Variants in DIO2 observed in about 807,000 individuals in gnomAD.
The protein encoded by DIO2 is type II iodothyronine deiodinase.
Under a neutral mutation model 21.4 loss-of-function variants are expected in DIO2, and 19 were observed. The ratio of observed to expected loss-of-function variants is 0.89; its 90% CI spans 0.62 to 1.30. The LOEUF (loss-of-function observed/expected upper bound fraction) is 1.30, where lower values mean the gene tolerates loss of function less well. Among genes scored for constraint, DIO2 ranks in the 50% most tolerant of loss-of-function variants. DIO2 has a pLI of 0.00. For synonymous variants in DIO2, 122 were observed against 132.9 expected (o/e 0.92, Z 0.57); for missense variants, 302 against 338.1 (o/e 0.89, Z 0.84).
chr14:80,214,483 T>C (rs1353856908), upstream of DIO2, among the ~76,000 whole-genome samples: 2 of 152,196 alleles, frequency 1.3e-5, no homozygotes, highest in Non-Finnish European at 2.9e-5. Flanking sequence ...TATTTATTTA[T>C]TTATTGAGGT....
chr14:80,209,233 G>A (rs1888068233), intron 1 of DIO2, among the ~76,000 whole-genome samples: 1 of 151,964 alleles, frequency 6.6e-6, no homozygotes, highest in Non-Finnish European at 1.5e-5. Flanking sequence ...TAATATTTGT[G>A]GGTAACATTA....
rs923847366 is a variant in DIO2, at chr14:80,200,022, C to T, written c.*2667G>A. 1.3e-5 allele frequency: 2 copies of T among 152,554 alleles called. No homozygotes were observed. The highest frequency in any genetic ancestry group is 4.8e-5 in the African/African-American group (2 of 41,422). The allele number at this position is 152,554 out of a possible 1,614,324, so 9.5% of individuals were successfully genotyped here. On this transcript the variant is annotated 3_prime_UTR_variant, in exon 2 of 2. Coordinates refer to ENST00000438257, the MANE Select transcript of DIO2 (RefSeq NM_013989.5). ...ATAAAGCATTGATTTTCCTCTACCT[C>T]AAAATAATGAGTTCTTGTTAATTTC...
In DIO2 at chr14:80,198,009, C is replaced by T. The variant is rs188047180; in HGVS notation, c.*4680G>A. On this transcript the variant is annotated 3_prime_UTR_variant, in exon 2 of 2. Coordinates refer to ENST00000438257, the MANE Select transcript of DIO2 (RefSeq NM_013989.5). ...GTACTGGATACTTATTTCTTCACAT[C>T]CCCCAATCCTAATACACATAAAAAC... 568 of 152,732 alleles carry T rather than the reference C, an allele frequency of 3.7e-3. 1 individual carries two copies. The highest frequency in any genetic ancestry group is 6.4e-3 in the Non-Finnish European group (436 of 68,018). 9.5% of individuals were successfully genotyped at this position (152,732 alleles called of 1,614,324 possible). A position where few individuals can be genotyped will look rare whatever the true frequency, so the allele number is the denominator to read the frequency against.
chr14:80,203,079 G>A lies in DIO2; in HGVS notation c.432C>T (p.Arg144=). The A allele has an allele frequency of 6.2e-7, 1 of 1,613,924 alleles. No individual in the cohort carries two copies. The highest frequency in any genetic ancestry group is 8.5e-7 in the Non-Finnish European group (1 of 1,179,886). ...PPFTSQLPAF[R]KLVEEFSSVA... Reference sequence around the variant, plus strand: ...CTGAGGAGAACTCTTCCACCAGTTTGCGGAAGGCTGGCAGCTGGCTCGTGA... The same window carrying A: ...CTGAGGAGAACTCTTCCACCAGTTTACGGAAGGCTGGCAGCTGGCTCGTGA... Residue 144 remains arginine, a synonymous_variant, in exon 2 of 2, where the codon CGC becomes CGT. Coordinates refer to ENST00000438257, the MANE Select transcript of DIO2 (RefSeq NM_013989.5).
rs773948064 is a variant in DIO2, at chr14:80,202,871, G to C, written c.640C>G (p.Arg214Gly). Residue 214 changes from arginine to glycine, a missense_variant, in exon 2 of 2, where the codon CGC becomes GGC. Arg to Gly is a moderately radical substitution (Grantham distance 125). Transcript: ENST00000438257. Reference protein sequence around the residue: ...LPPQCRVVADRMDNNANIAYG... With the variant: ...LPPQCRVVADGMDNNANIAYG... Reference sequence around the variant, plus strand: ...GCTATGTTGGCGTTATTGTCCATGCGGTCAGCCACAACTCGGCACTGGGGC... The same window carrying C: ...GCTATGTTGGCGTTATTGTCCATGCCGTCAGCCACAACTCGGCACTGGGGC... 9 of 1,613,788 alleles carry C rather than the reference G, an allele frequency of 5.6e-6. No homozygotes were observed. The East Asian group carries it at 1.8e-4, about 32-fold the overall frequency.
chr14:80,230,859 A>G (rs1888672551), intron 2 of DIO2: 1 of 152,206 alleles, frequency 6.6e-6, no homozygotes, highest in Non-Finnish European at 1.5e-5. Context: ...CTAGAGGGAC[A>G]GAACTAATAG....
upstream of DIO2, among the ~76,000 whole-genome samples, chr14:80,215,041 G>A (rs17110449): frequency 0.15 from 22,354 of 152,106 alleles, 2,159 homozygotes; most frequent in East Asian, 0.31. Context: ...AGACTGTCCC[G>A]ACTCAGGCTC....
rs1359514767 is a variant in DIO2 at position 80,211,403 on chromosome 14, A to T, written c.70T>A (p.Phe24Ile). The T allele has an allele frequency of 2.5e-6, 4 of 1,613,632 alleles. No homozygotes were observed. Among genetic ancestry groups the T allele is most frequent in the Non-Finnish European group, 3.4e-6 (4 of 1,179,780 alleles). Residue 24 changes from phenylalanine (F) to isoleucine (I), a missense_variant, in exon 1 of 2, where the codon TTC becomes ATC. Transcript: ENST00000438257. ...ATGACCGAGTCATAGAGAGCCAGGAAGAGGCAGTTGGAGAAAAAAACTGGC... is the reference window on the plus strand; with the variant it reads ...ATGACCGAGTCATAGAGAGCCAGGATGAGGCAGTTGGAGAAAAAAACTGGC... ...ILPVFFSNCLFLALYDSVILL... is the reference protein window; with the variant it reads ...ILPVFFSNCLILALYDSVILL...
intron 2 of DIO2, among the ~76,000 whole-genome samples, chr14:80,224,980 G>A (rs746807971): frequency 3.9e-5 from 6 of 152,122 alleles, no homozygotes; most frequent in Non-Finnish European, 8.8e-5. Context: ...CTTGGAGTCC[G>A]ATGTTTGAGG....
chr14:80,218,620 C>T (rs1373960316), intron 2 of DIO2, among the ~76,000 whole-genome samples: 1 of 152,066 alleles, frequency 6.6e-6, no homozygotes, highest in Non-Finnish European at 1.5e-5. Context: ...CTTTTAAAAA[C>T]ATAGGAGAAA....
chr14:80,220,800 A>C (rs1220116064), intron 2 of DIO2, among the ~76,000 whole-genome samples: 1 of 152,210 alleles, frequency 6.6e-6, no homozygotes, highest in Non-Finnish European at 1.5e-5. Flanking sequence ...TCACCTGAAC[A>C]GTGCATAGGA....
At chr14:80,206,324 T>C (rs1204761427) in intron 1 of DIO2, 13 of 1,548,868 alleles carry the variant, frequency 8.4e-6, no homozygotes, top group South Asian at 1.3e-5. Flanking sequence ...TAAAACCTGA[T>C]GGAGGACAAT....
In DIO2 at chr14:80,203,239, C is replaced by G; in HGVS notation, c.272G>C (p.Ser91Thr). Residue 91 changes from serine (S) to threonine (T), a missense_variant, in exon 2 of 2, where the codon AGT becomes ACT. Ser to Thr is a moderately conservative substitution (Grantham distance 58). Coordinates refer to ENST00000438257, the MANE Select transcript of DIO2 (RefSeq NM_013989.5). The part of the protein sequence containing the change: ...APNSSVVHVS[S>T]TEGGDNSGNG... ...GCCACTGTTGTCACCTCCTTCTGTACTGGAGACATGCACCACACTGGAATT... is the reference window on the plus strand; with the variant it reads ...GCCACTGTTGTCACCTCCTTCTGTAGTGGAGACATGCACCACACTGGAATT... 6.2e-7 allele frequency: 1 copy of G among 1,606,186 alleles called. No individual in the cohort carries two copies. Among genetic ancestry groups the G allele is most frequent in the Non-Finnish European group, 8.5e-7 (1 of 1,176,924 alleles).
rs1887792095 is a variant in DIO2 at position 80,202,896 on chromosome 14, C to T, written c.615G>A (p.Pro205=). The T allele has an allele frequency of 5.0e-6, 8 of 1,613,916 alleles. No individual in the cohort carries two copies. Among genetic ancestry groups the T allele is most frequent in the African/African-American group, 1.3e-5 (1 of 75,012 alleles). ...AQQLLERFSL[P]PQCRVVADRM... is the part of the protein sequence containing the mutation. Reference sequence around the variant, plus strand: ...GGTCAGCCACAACTCGGCACTGGGGCGGCAAGGAGAAACGCTCCAGAAGCT... The same window carrying T: ...GGTCAGCCACAACTCGGCACTGGGGTGGCAAGGAGAAACGCTCCAGAAGCT... Residue 205 remains proline (P), a synonymous_variant, in exon 2 of 2, where the codon CCG becomes CCA. Coordinates refer to ENST00000438257, the MANE Select transcript of DIO2 (RefSeq NM_013989.5).
At chr14:80,224,772 A>T (rs1888538405) in intron 2 of DIO2, among the ~76,000 whole-genome samples, 1 of 152,242 alleles carries the variant, frequency 6.6e-6, no homozygotes, top group Non-Finnish European at 1.5e-5. Context: ...TAAAAACTAA[A>T]GAGGAGAGTT....
upstream of DIO2, among the ~76,000 whole-genome samples, chr14:80,213,739 T>G (rs1217313529): frequency 2.0e-5 from 3 of 152,124 alleles, no homozygotes; most frequent in Admixed American, 1.3e-4. Flanking sequence ...ACATACAATA[T>G]GATGTGAATG....
intron 2 of DIO2, among the ~76,000 whole-genome samples, chr14:80,220,343 G>C (rs1241182986): frequency 1.3e-5 from 2 of 152,128 alleles, no homozygotes; most frequent in African/African-American, 4.8e-5. Context: ...AGCTCAATGA[G>C]TCTTAGCATC....
At position 80,224,936 on chromosome 14, in the gene DIO2, A is replaced by G. The variant is rs377568661; in HGVS notation, c.-277-8199T>C. The stretch of plus-strand genomic sequence containing the variant: ...TAGGCTGTCTGCAAGCTTGAGGAGA[A>G]AAGAGAGCCAGTCTGAGTCTCAAAA... On this transcript the variant is annotated intron_variant, in intron 2 of 4. Coordinates refer to the DIO2 transcript ENST00000553594. Among the ~76,000 whole-genome samples, 8 of 152,272 alleles carry G rather than the reference A, an allele frequency of 5.3e-5. No homozygotes were observed. In the South Asian group the frequency reaches 6.2e-4, roughly 12 times the overall value.
chr14:80,202,942 T>C lies in DIO2; in HGVS notation c.569A>G (p.Asp190Gly), dbSNP rs747185919. Residue 190 changes from aspartate to glycine, a missense_variant, in exon 2 of 2, where the codon GAT (aspartate) becomes GGT (glycine). Transcript: ENST00000438257. ...FEVKKHQNQE[D>G]RCAAAQQLLE... Reference sequence around the variant, plus strand: ...AAGCTGCTGGGCTGCTGCACATCGATCTTCCTGGTTCTGGTGCTTCTTCAC... The same window carrying C: ...AAGCTGCTGGGCTGCTGCACATCGACCTTCCTGGTTCTGGTGCTTCTTCAC... 2 of 1,613,938 alleles carry C rather than the reference T, an allele frequency of 1.2e-6. No homozygotes were observed. The highest frequency in any genetic ancestry group is 1.7e-6 in the Non-Finnish European group (2 of 1,179,878).
Sources: allele counts gnomAD v4.1 joint callset (sites outside exome capture counted in the v4.1 genomes callset), GRCh38; gene constraint gnomAD v4.1.1; transcripts MANE v1.5; gene names NCBI Gene and HGNC (gene_info 2026-07-23, HGNC 2026-07-21).